Variants in CTSC observed in about 807,000 individuals in gnomAD.
CTSC encodes the protein cathepsin C, also known as dipeptidyl peptidase 1.
Under a neutral mutation model 40.9 loss-of-function variants are expected in CTSC, and 37 were observed. The ratio of observed to expected loss-of-function variants is 0.91; its 90% CI spans 0.70 to 1.19. The LOEUF is 1.19. Among genes scored for constraint, CTSC ranks in the 50% most tolerant of loss-of-function variants. The pLI is 0.00. For missense variants in CTSC, 594 were observed against 567.3 expected (o/e 1.05, Z -0.48); for synonymous variants, 232 against 207.4 (o/e 1.12, Z -1.02).
At chr11:88,308,003 T>C (rs756083097) in intron 4 of CTSC, among the ~76,000 whole-genome samples, 4 of 152,090 alleles carry the variant, frequency 2.6e-5, no homozygotes, top group Non-Finnish European at 5.9e-5. Flanking sequence ...TATAAGAGGA[T>C]GAAACTAGAA....
At position 88,309,403 on chromosome 11, in the gene CTSC, T is replaced by C. The variant is rs1020751563; in HGVS notation, c.486-85A>G. On this transcript the variant is annotated intron_variant, in intron 3 of 6. Transcript: ENST00000227266. ...AAAACAGGCATTCACACTCTGTGCC[T>C]AAGTGGAAAGTGGTACAATCTTTCA... The C allele has an allele frequency of 3.7e-5, 44 of 1,185,490 alleles. No homozygotes were observed. In the Middle Eastern group the frequency reaches 6.4e-4, roughly 17 times the overall value. 73.4% of individuals were successfully genotyped at this position (1,185,490 alleles called of 1,614,324 possible). A position where few individuals can be genotyped will look rare whatever the true frequency, so the allele number is the denominator to read the frequency against.
chr11:88,295,406 C>T (rs779915499), intron 6 of CTSC, among the ~76,000 whole-genome samples: 1 of 151,792 alleles, frequency 6.6e-6, no homozygotes, highest in Admixed American at 6.6e-5. Flanking sequence ...CATAACAGGG[C>T]CTCACTCCGT....
At chr11:88,303,724 C>A (rs1430445528) in intron 4 of CTSC, among the ~76,000 whole-genome samples, 1 of 152,138 alleles carries the variant, frequency 6.6e-6, no homozygotes, top group Non-Finnish European at 1.5e-5. Context: ...TGTGACTGGA[C>A]ATAAAGGGAA....
intron 2 of CTSC, chr11:88,328,227 C>A: frequency 6.8e-7 from 1 of 1,474,900 alleles, no homozygotes; most frequent in South Asian, 1.1e-5. Context: ...TAAACTGAGT[C>A]ATTATGTTGA....
intron 3 of CTSC, among the ~76,000 whole-genome samples, chr11:88,310,593 G>C (rs970776825): frequency 1.3e-5 from 2 of 152,108 alleles, no homozygotes; most frequent in Admixed American, 6.5e-5. Context: ...AAAAACCTAA[G>C]AGCACTGAAA....
intron 6 of CTSC, among the ~76,000 whole-genome samples, chr11:88,294,958 G>T (rs999362771): frequency 6.6e-6 from 1 of 152,188 alleles, no homozygotes; most frequent in African/African-American, 2.4e-5. Context: ...TCTTTCTCAA[G>T]CAAGTCTTTT....
At chr11:88,328,871 G>T (rs1938264935) in intron 2 of CTSC, among the ~76,000 whole-genome samples, 1 of 152,122 alleles carries the variant, frequency 6.6e-6, no homozygotes, top group African/African-American at 2.4e-5. Context: ...TGATCCACCA[G>T]CCCCAGCCTC....
At chr11:88,329,256 C>T (rs534974439) in intron 2 of CTSC, among the ~76,000 whole-genome samples, 409 of 151,846 alleles carry the variant, frequency 2.7e-3, no homozygotes, top group Non-Finnish European at 4.0e-3. Context: ...TCCAGGCGGG[C>T]GGATCACTTG....
intron 1 of CTSC, among the ~76,000 whole-genome samples, chr11:88,336,841 A>G (rs1241014524): frequency 6.6e-6 from 1 of 152,230 alleles, no homozygotes; most frequent in African/African-American, 2.4e-5. Flanking sequence ...TTCAAACACT[A>G]GGTATTTATT....
At chr11:88,326,257 G>C in intron 2 of CTSC, 1 of 1,535,784 alleles carries the variant, frequency 6.5e-7, no homozygotes, top group Non-Finnish European at 8.8e-7. Context: ...CTTGGAGGTA[G>C]GTCACCAGGA....
At chr11:88,320,867 A>G (rs539281292) in intron 2 of CTSC, 59 of 830,178 alleles carry the variant, frequency 7.1e-5, no homozygotes, top group Non-Finnish European at 3.3e-5. Context: ...ATTATTGGTC[A>G]TATATCGTGT....
intron 5 of CTSC, 22 bp from the exon 6 acceptor site, chr11:88,296,286 A>G (rs1944298149): frequency 6.2e-7 from 1 of 1,612,854 alleles, no homozygotes; most frequent in Non-Finnish European, 8.5e-7. Context: ...AAAAAGACAC[A>G]TAATCCAAGA....
chr11:88,328,322 T>A, intron 2 of CTSC: 1 of 729,714 alleles, frequency 1.4e-6, no homozygotes, highest in African/African-American at 1.7e-5. Flanking sequence ...TCCACTGAAA[T>A]ACTCTTACAA....
At chr11:88,315,841 T>A (rs894544875) in intron 2 of CTSC, among the ~76,000 whole-genome samples, 9 of 152,180 alleles carry the variant, frequency 5.9e-5, no homozygotes, top group South Asian at 2.1e-4. Context: ...GGCTTTTTTT[T>A]AAACCCAAAG....
At position 88,334,988 on chromosome 11, in the gene CTSC, GTT is replaced by G; in HGVS notation, c.265_266del (p.Asn89ProfsTer4). ...GNSGHFTIIY[N>X]QGFEIVLNDY... Reference sequence around the variant, plus strand: ...CATTCAACACAATCTCAAAGCCTTGGTTGTAAATGATGGTGAAATGGCCAGAA... The same window carrying G: ...CATTCAACACAATCTCAAAGCCTTGGGTAAATGATGGTGAAATGGCCAGAA... On this transcript the variant is annotated frameshift_variant, in exon 2 of 7. Coordinates refer to ENST00000227266, the MANE Select transcript of CTSC (RefSeq NM_001814.6). LOFTEE classifies it high-confidence loss of function. The G allele has an allele frequency of 6.2e-7, 1 of 1,611,916 alleles. No homozygotes were observed. Among genetic ancestry groups the G allele is most frequent in the Non-Finnish European group, 8.5e-7 (1 of 1,178,316 alleles).
intron 2 of CTSC, chr11:88,324,963 A>G: frequency 1.0e-6 from 1 of 985,392 alleles, no homozygotes; most frequent in Non-Finnish European, 1.2e-6. Context: ...GAATCAACAG[A>G]GTAAGGATGA....
chr11:88,302,892 A>T (rs1944383714), intron 4 of CTSC, among the ~76,000 whole-genome samples: 1 of 152,198 alleles, frequency 6.6e-6, no homozygotes, highest in African/African-American at 2.4e-5. Context: ...CACAAAGATT[A>T]CTATAACAAG....
chr11:88,307,860 T>C (rs937258397), intron 4 of CTSC, among the ~76,000 whole-genome samples: 9 of 152,120 alleles, frequency 5.9e-5, no homozygotes, highest in Admixed American at 5.2e-4. Context: ...CGGGTTCTCC[T>C]TCCTCACGGC....
intron 2 of CTSC, chr11:88,325,992 C>T: frequency 9.9e-7 from 1 of 1,009,976 alleles, no homozygotes; most frequent in Non-Finnish European, 1.2e-6. Context: ...AAAATTTACG[C>T]TGTGAATAAA....
Sources: gnomAD v4.1 joint callset for allele counts (sites outside exome capture counted in the v4.1 genomes callset) on GRCh38, gnomAD v4.1.1 for gene constraint, MANE v1.5 for transcripts, NCBI Gene and HGNC (gene_info 2026-07-23, HGNC 2026-07-21) for gene names.